Variants in GALNT2 observed in about 807,000 individuals in gnomAD.
GALNT2 encodes polypeptide N-acetylgalactosaminyltransferase 2.
A neutral mutation model predicts 81.4 loss-of-function variants in GALNT2; 31 were observed. The ratio of observed to expected loss-of-function variants is 0.38; its 90% CI spans 0.29 to 0.51. GALNT2 has a LOEUF of 0.51. Among genes scored for constraint, GALNT2 ranks in the 20% least tolerant of loss-of-function variants. The pLI, the probability that GALNT2 is intolerant of heterozygous loss-of-function variation, is 0.87. For synonymous variants in GALNT2, 303 were observed against 287.4 expected (o/e 1.05, Z -0.55); for missense variants, 629 against 765.7 (o/e 0.82, Z 2.11).
upstream of GALNT2, among the ~76,000 whole-genome samples, chr1:230,063,291 A>G (rs1042030361): frequency 6.6e-6 from 1 of 151,550 alleles, no homozygotes; most frequent in African/African-American, 2.4e-5. Flanking sequence ...AGCCTCGGCG[A>G]CAGAGCAAGT....
chr1:230,203,946 T>C (rs1663983469), intron 3 of GALNT2, among the ~76,000 whole-genome samples: 1 of 149,690 alleles, frequency 6.7e-6, no homozygotes, highest in Non-Finnish European at 1.5e-5. Flanking sequence ...CATCTCAGCC[T>C]CCTGAGTAGC....
chr1:230,178,179 A>C, intron 1 of GALNT2, 39 bp from the exon 2 acceptor site: 3 of 1,511,516 alleles, frequency 2.0e-6, no homozygotes, highest in Non-Finnish European at 2.8e-6. Flanking sequence ...GGTGTGCTTG[A>C]AGAACAAGTC....
intron 1 of GALNT2, among the ~76,000 whole-genome samples, chr1:230,072,376 G>GC (rs897899620): frequency 5.3e-5 from 8 of 151,718 alleles, no homozygotes; most frequent in African/African-American, 1.9e-4. Flanking sequence ...GGTGGCGGGG[G>GC]GTGCGGTGAG....
chr1:230,209,066 TG>T (rs1355498307), intron 3 of GALNT2, among the ~76,000 whole-genome samples: 1 of 151,662 alleles, frequency 6.6e-6, no homozygotes, highest in Non-Finnish European at 1.5e-5. Context: ...ATGTTGAAGT[TG>T]TTTTTTTGTT....
At chr1:230,128,627 G>C (rs1045833998) in intron 1 of GALNT2, among the ~76,000 whole-genome samples, 1 of 147,004 alleles carries the variant, frequency 6.8e-6, no homozygotes, top group Non-Finnish European at 1.5e-5. Flanking sequence ...TGGCGGGGGC[G>C]GGGGTGGTTG....
At chr1:230,107,008 G>A (rs4412597) in intron 1 of GALNT2, among the ~76,000 whole-genome samples, 65,219 of 152,066 alleles carry the variant, frequency 0.43, 14,003 homozygotes, top group South Asian at 0.53. Context: ...CCCGAGTCCC[G>A]GGGCTGGACA....
At chr1:230,128,439 G>A (rs1488296321) in intron 1 of GALNT2, among the ~76,000 whole-genome samples, 2 of 152,118 alleles carry the variant, frequency 1.3e-5, no homozygotes, top group African/African-American at 4.8e-5. Context: ...AGGCCACAGA[G>A]CCCAGCGTCT....
intron 1 of GALNT2, among the ~76,000 whole-genome samples, chr1:230,104,495 G>A (rs571693507): frequency 6.6e-6 from 1 of 152,292 alleles, no homozygotes; most frequent in Non-Finnish European, 1.5e-5. Context: ...TGCCTTGTTG[G>A]ATGCACCGAG....
At position 230,213,570 on chromosome 1, in the gene GALNT2, C is replaced by G. The variant is rs1000844700; in HGVS notation, c.374+10280C>G. Reference sequence around the variant, plus strand: ...AGCCTATAGTTGGATTTTGGACTTTCATCTGCTGTGACAATCTTTATCTTT... The same window carrying G: ...AGCCTATAGTTGGATTTTGGACTTTGATCTGCTGTGACAATCTTTATCTTT... On this transcript the variant is annotated intron_variant, in intron 3 of 15. Coordinates refer to ENST00000366672, the MANE Select transcript of GALNT2 (RefSeq NM_004481.5). Among the ~76,000 whole-genome samples the G allele has an allele frequency of 3.3e-5, 5 of 152,182 alleles. 1 individual carries two copies. Among genetic ancestry groups the G allele is most frequent in the Non-Finnish European group, 7.4e-5 (5 of 68,026 alleles).
chr1:230,223,551 C>T (rs1558147892), intron 3 of GALNT2, among the ~76,000 whole-genome samples: 1 of 150,586 alleles, frequency 6.6e-6, no homozygotes, highest in Non-Finnish European at 1.5e-5. Context: ...TTACTGCAGC[C>T]TCCGCCTCCC....
At chr1:230,156,369 C>T (rs1662257728) in intron 1 of GALNT2, among the ~76,000 whole-genome samples, 1 of 152,052 alleles carries the variant, frequency 6.6e-6, no homozygotes, top group Non-Finnish European at 1.5e-5. Flanking sequence ...TCATTTTAGG[C>T]CTGTTTCTGG....
intron 15 of GALNT2, among the ~76,000 whole-genome samples, chr1:230,278,834 A>T (rs1339654486): frequency 6.6e-6 from 1 of 152,194 alleles, no homozygotes; most frequent in East Asian, 1.9e-4. Flanking sequence ...AAGTGGGAGC[A>T]TGGAGGTGCC....
At chr1:230,220,996 G>C (rs1664529747) in intron 3 of GALNT2, among the ~76,000 whole-genome samples, 1 of 152,154 alleles carries the variant, frequency 6.6e-6, no homozygotes, top group Non-Finnish European at 1.5e-5. Flanking sequence ...TAAAGAAAAA[G>C]CTTTTTAAAA....
chr1:230,097,480 A>T (rs750176989), intron 1 of GALNT2, among the ~76,000 whole-genome samples: 19 of 152,196 alleles, frequency 1.2e-4, no homozygotes, highest in Non-Finnish European at 2.6e-4. Flanking sequence ...TACTTCTATT[A>T]GTGGAATCAT....
At chr1:230,276,496 C>G (rs1666312197) in intron 15 of GALNT2, among the ~76,000 whole-genome samples, 1 of 152,168 alleles carries the variant, frequency 6.6e-6, no homozygotes, top group African/African-American at 2.4e-5. Flanking sequence ...AGAAAAGTCT[C>G]AGAAAGTCAT....
rs565184320 is a variant in GALNT2 at position 230,149,440 on chromosome 1, A to G, written c.127-28778A>G. On this transcript the variant is annotated intron_variant, in intron 1 of 15. Transcript: ENST00000366672. Reference sequence around the variant, plus strand: ...AATAGCTTGGTGGTTTGAGCATCCTATTATTGCAGTGATTCTTAGGTCTGG... The same window carrying G: ...AATAGCTTGGTGGTTTGAGCATCCTGTTATTGCAGTGATTCTTAGGTCTGG... Among the ~76,000 whole-genome samples, 5 of 152,200 alleles carry G rather than the reference A, an allele frequency of 3.3e-5. No homozygotes were observed. The South Asian group carries it at 1.0e-3, about 32-fold the overall frequency.
At chr1:230,270,964 T>A (rs1436033612) in intron 14 of GALNT2, among the ~76,000 whole-genome samples, 2 of 152,234 alleles carry the variant, frequency 1.3e-5, no homozygotes, top group African/African-American at 2.4e-5. Flanking sequence ...TGCTTTACAG[T>A]AATTAAGCAC....
intron 6 of GALNT2, among the ~76,000 whole-genome samples, chr1:230,238,161 CAT>C (rs1447536126): frequency 2.0e-5 from 3 of 152,132 alleles, no homozygotes; most frequent in Non-Finnish European, 2.9e-5. Flanking sequence ...TATATGTACC[CAT>C]GTGTGTGTAT....
chr1:230,124,546 A>C (rs1661115880), intron 1 of GALNT2, among the ~76,000 whole-genome samples: 1 of 152,214 alleles, frequency 6.6e-6, no homozygotes, highest in African/African-American at 2.4e-5. Context: ...GGTGGGGCCT[A>C]ATGGGAGTAA....
Sources: allele counts gnomAD v4.1 joint callset (sites outside exome capture counted in the v4.1 genomes callset), GRCh38; gene constraint gnomAD v4.1.1; transcripts MANE v1.5; gene names NCBI Gene and HGNC (gene_info 2026-07-23, HGNC 2026-07-21).